COL19A1: variants seen among roughly 807,000 people sequenced by gnomAD.
The protein encoded by COL19A1 is collagen type XIX alpha 1 chain.
In COL19A1, 159 loss-of-function variants were observed where a neutral mutation model predicts 190.2. The observed-to-expected ratio is 0.84, with a 90% CI of 0.73 to 0.95. The LOEUF (loss-of-function observed/expected upper bound fraction) is 0.95. Among genes scored for constraint, COL19A1 ranks in the 40% least tolerant of loss-of-function variants. The pLI, the probability that COL19A1 is intolerant of heterozygous loss-of-function variation, is 0.00. For synonymous variants in COL19A1, 509 were observed against 458.9 expected (o/e 1.11, Z -1.39); for missense variants, 1,418 against 1,431.9 (o/e 0.99, Z 0.16).
chr6:70,184,003 C>A (rs1295528145), intron 44 of COL19A1, among the ~76,000 whole-genome samples: 5 of 152,204 alleles, frequency 3.3e-5, no homozygotes, highest in African/African-American at 1.2e-4. Context: ...AATCTTTAAG[C>A]AGGACTAGGC....
intron 14 of COL19A1, among the ~76,000 whole-genome samples, chr6:70,054,870 C>T (rs1780403793): frequency 6.6e-6 from 1 of 151,944 alleles, no homozygotes; most frequent in Non-Finnish European, 1.5e-5. Context: ...TTAAGCATAA[C>T]TTTTAAAATA....
At chr6:70,118,160 T>G (rs1403731072) in intron 16 of COL19A1, among the ~76,000 whole-genome samples, 1 of 152,216 alleles carries the variant, frequency 6.6e-6, no homozygotes, top group African/African-American at 2.4e-5. Flanking sequence ...CTTGCTAAAC[T>G]TGGCGACAAC....
rs745582674 is a variant in COL19A1 at position 70,156,117 on chromosome 6, T to C, written c.2080-10T>C. 2.5e-6 allele frequency: 4 copies of C among 1,611,564 alleles called. No homozygotes were observed. The highest frequency in any genetic ancestry group is 1.7e-4 in the Middle Eastern group (1 of 5,922). ...GACTCCCTCAGTAACCTTATCTTTA[T>C]ACTCATTAGAATTTCTGTGGCAACT... On this transcript the variant is annotated splice_polypyrimidine_tract_variant and intron_variant, in intron 31 of 50. Coordinates refer to ENST00000620364, the MANE Select transcript of COL19A1 (RefSeq NM_001858.6).
chr6:70,156,030 C>G (rs1787408135), intron 31 of COL19A1, 97 bp from the exon 32 acceptor site: 24 of 934,056 alleles, frequency 2.6e-5, no homozygotes, highest in Non-Finnish European at 3.4e-5. Flanking sequence ...TATCACTCAT[C>G]TCCAGAGGTT....
At chr6:69,967,530 T>C (rs747652126) in intron 11 of COL19A1, among the ~76,000 whole-genome samples, 10 of 152,206 alleles carry the variant, frequency 6.6e-5, no homozygotes, top group Non-Finnish European at 1.3e-4. Context: ...TCTTCCATTC[T>C]GGGTTATACT....
chr6:70,032,413 T>C (rs1374202146), intron 12 of COL19A1, among the ~76,000 whole-genome samples: 1 of 152,142 alleles, frequency 6.6e-6, no homozygotes, highest in East Asian at 1.9e-4. Flanking sequence ...AATTTCTTGT[T>C]CTTTTCTGTA....
chr6:69,929,886 A>G (rs1376817827), intron 6 of COL19A1, among the ~76,000 whole-genome samples, 186 bp downstream of exon 6: 1 of 152,190 alleles, frequency 6.6e-6, no homozygotes, highest in Admixed American at 6.5e-5. Context: ...TTTCACATGT[A>G]TTATTTTCAC....
chr6:69,946,529 G>T (rs1020228625), intron 9 of COL19A1, among the ~76,000 whole-genome samples: 1 of 151,816 alleles, frequency 6.6e-6, no homozygotes, highest in African/African-American at 2.4e-5. Flanking sequence ...AGATATTTAC[G>T]AATTACTGAT....
intron 4 of COL19A1, among the ~76,000 whole-genome samples, chr6:69,921,497 T>TATATA (rs1771906052): frequency 9.1e-6 from 1 of 109,880 alleles, no homozygotes; most frequent in African/African-American, 3.6e-5. Context: ...TTCATATATA[T>TATATA]TCATATATAT....
intron 17 of COL19A1, 82 bp from the exon 18 acceptor site, chr6:70,130,100 G>C: frequency 6.8e-7 from 1 of 1,467,128 alleles, no homozygotes; most frequent in Non-Finnish European, 9.4e-7. Flanking sequence ...ACTATTATCT[G>C]ACTGCTTATA....
intron 4 of COL19A1, among the ~76,000 whole-genome samples, chr6:69,915,056 T>G (rs1771200226): frequency 6.6e-6 from 1 of 152,254 alleles, no homozygotes; most frequent in African/African-American, 2.4e-5. Context: ...TATCCTTTCC[T>G]TTTTGTATAT....
intron 11 of COL19A1, among the ~76,000 whole-genome samples, chr6:69,971,878 A>T (rs184847440): frequency 3.9e-5 from 6 of 152,120 alleles, no homozygotes; most frequent in African/African-American, 1.4e-4. Flanking sequence ...TTTCTCATTC[A>T]TTTTCCAAAT....
chr6:69,870,014 A>G (rs1767728173), intron 1 of COL19A1, among the ~76,000 whole-genome samples: 1 of 152,196 alleles, frequency 6.6e-6, no homozygotes. Flanking sequence ...CCCACTAAGT[A>G]ACTGAAATTA....
chr6:70,141,289 CA>C (rs1198116705), intron 20 of COL19A1, among the ~76,000 whole-genome samples: 2 of 151,742 alleles, frequency 1.3e-5, no homozygotes, highest in Non-Finnish European at 1.5e-5. Context: ...TGTAGGATAT[CA>C]AAAATATAAA....
chr6:69,967,820 C>A (rs897357244), intron 11 of COL19A1, among the ~76,000 whole-genome samples: 6 of 152,052 alleles, frequency 3.9e-5, no homozygotes, highest in African/African-American at 1.4e-4. Flanking sequence ...TCCACAGACC[C>A]GTATTCTTAG....
At chr6:70,190,815 C>A (rs1423141379) in intron 48 of COL19A1, among the ~76,000 whole-genome samples, 2 of 152,078 alleles carry the variant, frequency 1.3e-5, no homozygotes, top group Non-Finnish European at 2.9e-5. Context: ...TTTATTTAGA[C>A]CAAAGTCAGC....
intron 4 of COL19A1, among the ~76,000 whole-genome samples, chr6:69,905,836 T>C (rs919247324): frequency 3.3e-5 from 5 of 152,316 alleles, no homozygotes; most frequent in Non-Finnish European, 5.9e-5. Flanking sequence ...ATTTATGGGA[T>C]AGCAAATGGT....
At chr6:70,063,114 C>G (rs1780947558) in intron 14 of COL19A1, among the ~76,000 whole-genome samples, 1 of 152,124 alleles carries the variant, frequency 6.6e-6, no homozygotes, top group South Asian at 2.1e-4. Flanking sequence ...TTGAATTCAG[C>G]TCTGCACCAA....
intron 14 of COL19A1, among the ~76,000 whole-genome samples, chr6:70,063,033 G>A (rs906723088): frequency 4.6e-5 from 7 of 152,110 alleles, no homozygotes; most frequent in Non-Finnish European, 8.8e-5. Context: ...GTAATAATGG[G>A]AGACTTTAAC....
Sources: gnomAD v4.1 joint callset for allele counts (sites outside exome capture counted in the v4.1 genomes callset) on GRCh38, gnomAD v4.1.1 for gene constraint, MANE v1.5 for transcripts, NCBI Gene and HGNC (gene_info 2026-07-23, HGNC 2026-07-21) for gene names.